Variants in PPM1G observed in about 807,000 individuals in gnomAD.
PPM1G encodes the protein protein phosphatase, Mg2+/Mn2+ dependent 1G.
Under a neutral mutation model 59.4 loss-of-function variants are expected in PPM1G, and 12 were observed. The observed-to-expected ratio is 0.20, with a 90% CI of 0.13 to 0.33. The LOEUF is 0.33. Among genes scored for constraint, PPM1G ranks in the 10% least tolerant of loss-of-function variants. The pLI, the probability that PPM1G is intolerant of heterozygous loss-of-function variation, is 1.00. For missense variants in PPM1G, 392 were observed against 681.3 expected (o/e 0.58, Z 4.73); for synonymous variants, 245 against 251.9 (o/e 0.97, Z 0.26).
chr2:27,393,362 C>G (rs549901101), intron 1 of PPM1G: 37 of 1,585,574 alleles, frequency 2.3e-5, no homozygotes, highest in Non-Finnish European at 3.0e-5. Context: ...TAGACGCGGT[C>G]GTCATGCCGG....
At chr2:27,386,302 C>A in intron 2 of PPM1G, 23 bp from the exon 3 acceptor site, 1 of 1,502,088 alleles carries the variant, frequency 6.7e-7, no homozygotes, top group South Asian at 1.1e-5. Context: ...GAAGGAAGGT[C>A]ACCTGGAGCA....
Position 27,383,258 on chromosome 2 carries a change from T to C in PPM1G, c.1201+108A>G. On this transcript the variant is annotated intron_variant, in intron 7 of 9. Transcript: ENST00000344034. The surrounding 1 kb of genome is among the most constrained non-coding windows in gnomAD (Gnocchi z 5.0). ...ATATAAGAACAGAGGTAGTAGATAT[T>C]AAAGTGCTTTGAAAGGCACAAGCAC... The C allele has an allele frequency of 1.1e-6, 1 of 921,914 alleles. No homozygotes were observed. Among genetic ancestry groups the C allele is most frequent in the Admixed American group, 2.3e-5 (1 of 44,266 alleles). 57.1% of individuals were successfully genotyped at this position (921,914 alleles called of 1,614,324 possible).
In PPM1G at chr2:27,381,336, C is replaced by A; in HGVS notation, c.*263G>T. The A allele has an allele frequency of 1.8e-6, 1 of 541,578 alleles. No homozygotes were observed. The highest frequency in any genetic ancestry group is 3.1e-5 in the East Asian group (1 of 32,042). The allele number at this position is 541,578 out of a possible 1,614,324, so 33.5% of individuals were successfully genotyped here. On this transcript the variant is annotated 3_prime_UTR_variant, in exon 10 of 10. Coordinates refer to ENST00000344034, the MANE Select transcript of PPM1G (RefSeq NM_177983.3). ...AAGTTCACAGAGTAAAAACCAGAAC[C>A]GCCAGTCCTTCCCTCCAACACAACA...
intron 1 of PPM1G, among the ~76,000 whole-genome samples, chr2:27,406,966 C>CTTT (rs201901048): frequency 7.3e-6 from 1 of 137,346 alleles, no homozygotes; most frequent in Non-Finnish European, 1.6e-5. Flanking sequence ...TTTATTTATT[C>CTTT]TTTTTTTTTT....
intron 1 of PPM1G, among the ~76,000 whole-genome samples, chr2:27,408,299 C>G (rs1340979632): frequency 6.6e-6 from 1 of 152,096 alleles, no homozygotes; most frequent in Non-Finnish European, 1.5e-5. Flanking sequence ...GGTGGAGAAA[C>G]CCTCAATACC....
intron 3 of PPM1G, 55 bp downstream of exon 3, chr2:27,386,139 G>C (rs1683758580): frequency 6.7e-7 from 1 of 1,496,988 alleles, no homozygotes; most frequent in Non-Finnish European, 9.3e-7. Context: ...CCAAGGGCTA[G>C]AGAACAAGGG....
chr2:27,386,826 G>A (rs1006841668), intron 2 of PPM1G: 9 of 278,494 alleles, frequency 3.2e-5, no homozygotes, highest in South Asian at 1.6e-4. Context: ...GTGACCTACC[G>A]CGTGCCCAGC....
Position 27,384,553 on chromosome 2 carries a change from C to T in PPM1G, c.825+120G>A. On this transcript the variant is annotated intron_variant, in intron 5 of 9. Coordinates refer to ENST00000344034, the MANE Select transcript of PPM1G (RefSeq NM_177983.3). The surrounding 1 kb of genome is among the most constrained non-coding windows in gnomAD (Gnocchi z 4.8). ...GAATTCAAGACTAAAGCTTAGAATA[C>T]AGTGGGTCTTGGGGGATGATGTCAA... The T allele has an allele frequency of 8.2e-7, 1 of 1,225,796 alleles. No homozygotes were observed. The allele number at this position is 1,225,796 out of a possible 1,614,324, so 75.9% of individuals were successfully genotyped here.
At position 27,392,420 on chromosome 2, in the gene PPM1G, A is replaced by G. The variant is rs534293227; in HGVS notation, c.121-5262T>C. Among the ~76,000 whole-genome samples, 100 of 149,946 alleles carry G rather than the reference A, an allele frequency of 6.7e-4. 1 individual carries two copies. Among genetic ancestry groups the G allele is most frequent in the African/African-American group, 2.1e-3 (86 of 40,668 alleles). On this transcript the variant is annotated intron_variant, in intron 1 of 9. Coordinates refer to ENST00000344034, the MANE Select transcript of PPM1G (RefSeq NM_177983.3). ...AGTGATTCTCATGCCTCAGCCTCCC[A>G]AGTAGCCGGGATTACAGGTGTGTGC... is the stretch of plus-strand genomic sequence containing the variant.
intron 1 of PPM1G, among the ~76,000 whole-genome samples, chr2:27,390,453 AATGGCTC>A (rs1400789059): frequency 6.6e-6 from 1 of 152,148 alleles, no homozygotes; most frequent in African/African-American, 2.4e-5. Context: ...CCGTTTTGGC[AATGGCTC>A]ATGCATGTAA....
intron 2 of PPM1G, chr2:27,386,737 T>C (rs1352472234): frequency 1.1e-5 from 2 of 182,082 alleles, no homozygotes; most frequent in Admixed American, 1.1e-4. Flanking sequence ...GTATTTTTAG[T>C]AGAGATGGGG....
At chr2:27,393,099 T>A (rs193056200) in intron 1 of PPM1G, 13 of 1,276,958 alleles carry the variant, frequency 1.0e-5, no homozygotes, top group Non-Finnish European at 1.4e-5. Context: ...CCCCGCACAG[T>A]CTGGTTTCTT....
chr2:27,385,930 T>C lies in PPM1G; in HGVS notation c.277-51A>G, dbSNP rs372563779. ...ACTAGTACAAAATGAACTCCCTATA[T>C]ACAATCCTGAGCACAAGGATGGAAT... is the stretch of plus-strand genomic sequence containing the variant. On this transcript the variant is annotated intron_variant, in intron 3 of 9. Transcript: ENST00000344034. This position sits in a 1 kb window ranked among gnomAD's most constrained non-coding sequence, Gnocchi z 4.1. The C allele has an allele frequency of 6.4e-7, 1 of 1,570,612 alleles. No individual in the cohort carries two copies. The highest frequency in any genetic ancestry group is 1.9e-5 in the Admixed American group (1 of 52,170).
rs1208363874 is a variant in PPM1G at position 27,393,333 on chromosome 2, T to C, written c.121-6175A>G. On this transcript the variant is annotated intron_variant, in intron 1 of 9. Coordinates refer to ENST00000344034, the MANE Select transcript of PPM1G (RefSeq NM_177983.3). ...GGCGGCCTCTGAGTCTTGGTGGTAGTTCTGGCGCACCTGCGAGGTAGACGC... is the reference window on the plus strand; with the variant it reads ...GGCGGCCTCTGAGTCTTGGTGGTAGCTCTGGCGCACCTGCGAGGTAGACGC... 44 of 1,597,518 alleles carry C rather than the reference T, an allele frequency of 2.8e-5. No homozygotes were observed. In the South Asian group the frequency reaches 4.4e-4, roughly 16 times the overall value.
Position 27,384,560 on chromosome 2 carries a change from TCTTG to T in PPM1G, c.825+109_825+112del. On this transcript the variant is annotated intron_variant, in intron 5 of 9. Coordinates refer to ENST00000344034, the MANE Select transcript of PPM1G (RefSeq NM_177983.3). The surrounding 1 kb of genome is among the most constrained non-coding windows in gnomAD (Gnocchi z 4.8). ...AGACTAAAGCTTAGAATACAGTGGG[TCTTG>T]GGGGATGATGTCAAAATAGGAGAAG... The T allele has an allele frequency of 7.8e-7, 1 of 1,275,586 alleles. No individual in the cohort carries two copies. 79.0% of individuals were successfully genotyped at this position (1,275,586 alleles called of 1,614,324 possible).
Position 27,390,272 on chromosome 2 carries a change from G to A in PPM1G, c.121-3114C>T, listed in dbSNP as rs1683867758. Among the ~76,000 whole-genome samples, 4 of 152,050 alleles carry A rather than the reference G, an allele frequency of 2.6e-5. No individual in the cohort carries two copies. In the South Asian group the frequency reaches 6.2e-4, roughly 24 times the overall value. ...TGAGCTCAAGTGATCTGCCCAGCTC[G>A]GCCTCCCAAAACGCTGGGATTACAG... is the stretch of plus-strand genomic sequence containing the variant. On this transcript the variant is annotated intron_variant, in intron 1 of 9. Coordinates refer to ENST00000344034, the MANE Select transcript of PPM1G (RefSeq NM_177983.3).
At chr2:27,394,014 G>C (rs956638522) in intron 1 of PPM1G, among the ~76,000 whole-genome samples, 2 of 151,812 alleles carry the variant, frequency 1.3e-5, no homozygotes, top group Non-Finnish European at 2.9e-5. Flanking sequence ...CACCTGCCTC[G>C]GCCTCCCAAA....
rs775373579 is a variant in PPM1G at position 27,390,026 on chromosome 2, CTTG to C, written c.121-2871_121-2869del. The stretch of plus-strand genomic sequence containing the variant: ...TGTGGTAATTACTTCATTTCAGCAT[CTTG>C]TTTTCTTTTTTTTTTGAGATGGAGT... On this transcript the variant is annotated intron_variant, in intron 1 of 9. Coordinates refer to ENST00000344034, the MANE Select transcript of PPM1G (RefSeq NM_177983.3). Among the ~76,000 whole-genome samples the C allele has an allele frequency of 1.3e-4, 16 of 121,564 alleles. No homozygotes were observed. In the South Asian group the frequency reaches 3.3e-3, roughly 25 times the overall value. 79.8% of individuals were successfully genotyped at this position (121,564 alleles called of 152,430 possible).
intron 1 of PPM1G, among the ~76,000 whole-genome samples, chr2:27,388,236 C>T (rs905933282): frequency 1.4e-4 from 21 of 151,650 alleles, no homozygotes; most frequent in Non-Finnish European, 2.5e-4. Context: ...TGGTGAAACC[C>T]CGTCTCTACT....
Sources: allele counts gnomAD v4.1 joint callset (sites outside exome capture counted in the v4.1 genomes callset), GRCh38; gene constraint gnomAD v4.1.1; non-coding constraint Gnocchi (gnomAD v3.1); transcripts MANE v1.5; gene names NCBI Gene and HGNC (gene_info 2026-07-23, HGNC 2026-07-21).